Variants in APOLD1 observed in about 807,000 individuals in gnomAD.
The protein encoded by APOLD1 is apolipoprotein L domain-containing protein 1.
Under a neutral mutation model 15.3 loss-of-function variants are expected in APOLD1, and 22 were observed. The observed-to-expected ratio is 1.44, with a 90% confidence interval of 1.03 to 2.05. The LOEUF is 2.05. Ranked by LOEUF, APOLD1 falls within the 30% of genes most tolerant of loss-of-function variation. The probability of loss-of-function intolerance (pLI) is 0.00; values close to 1 mark genes in which losing one functional copy is unlikely to be tolerated. For missense variants in APOLD1, 394 were observed against 353.5 expected (o/e 1.11, Z -0.92); for synonymous variants, 190 against 167.4 (o/e 1.13, Z -1.04).
chr12:12,769,695 T>G (rs1268713656), intron 1 of APOLD1, among the ~76,000 whole-genome samples: 3 of 152,240 alleles, frequency 2.0e-5, no homozygotes, highest in African/African-American at 7.2e-5. Context: ...GAGCCTAACC[T>G]GCTGGGGTTT....
At chr12:12,730,024 CTTTGTGTGTGTGTGTG>C (rs1946624160) in intron 1 of APOLD1, among the ~76,000 whole-genome samples, 1 of 101,736 alleles carries the variant, frequency 9.8e-6, no homozygotes, top group Non-Finnish European at 2.0e-5. Flanking sequence ...GCCCAGCTAA[CTTTGTGTGTGTGTGTG>C]TGTGTGTGTG....
intron 1 of APOLD1, among the ~76,000 whole-genome samples, chr12:12,750,596 T>A (rs1946805328): frequency 6.6e-6 from 1 of 152,068 alleles, no homozygotes. Context: ...ATATTTTTTC[T>A]CAATATTATT....
intron 1 of APOLD1, among the ~76,000 whole-genome samples, chr12:12,767,466 A>G (rs529056016): frequency 6.6e-6 from 1 of 152,302 alleles, no homozygotes; most frequent in Admixed American, 6.5e-5. Flanking sequence ...GGTTGAAAGT[A>G]GCCTGGCCAA....
At chr12:12,785,535 C>A, upstream of APOLD1, 1 of 1,295,292 alleles carries the variant, frequency 7.7e-7, no homozygotes, top group Non-Finnish European at 1.1e-6. Flanking sequence ...ATGTCACGTC[C>A]TTCTAGATGA....
In APOLD1 at chr12:12,766,764, G is replaced by A. The variant is rs58113060; in HGVS notation, c.97-20145G>A. Among the ~76,000 whole-genome samples the A allele has an allele frequency of 4.2e-4, 64 of 152,202 alleles. No homozygotes were observed. In the East Asian group the frequency reaches 0.011, roughly 25 times the overall value. On this transcript the variant is annotated intron_variant, in intron 1 of 1. Transcript: ENST00000326765. ...CTCAGGAGGCTGAGGCAGGAGAATC[G>A]CTTGAACCCGGGAGGTGGAGGTTGC...
rs140169181 is a variant in APOLD1 at position 12,756,614 on chromosome 12, TAG to T, written c.97-30293_97-30292del. On this transcript the variant is annotated intron_variant, in intron 1 of 1. Coordinates refer to the APOLD1 transcript ENST00000326765. ...TGCAACCATCACCACTATCCATTTC[TAG>T]AACTTTTAAAAAATCCCAAACAGAA... Among the ~76,000 whole-genome samples the T allele has an allele frequency of 6.0e-3, 910 of 152,326 alleles. 5 individuals carry two copies. The highest frequency in any genetic ancestry group is 0.02 in the African/African-American group (850 of 41,580).
intron 1 of APOLD1, among the ~76,000 whole-genome samples, chr12:12,769,861 G>A (rs7311962): frequency 0.064 from 9,761 of 151,990 alleles, 336 homozygotes; most frequent in South Asian, 0.12. Context: ...CCTAATTATC[G>A]GACTGTAGAA....
chr12:12,745,680 C>T (rs981834125), intron 1 of APOLD1, among the ~76,000 whole-genome samples: 5 of 151,928 alleles, frequency 3.3e-5, no homozygotes, highest in East Asian at 1.9e-4. Context: ...ATCCAGTACA[C>T]GTTGAATTTG....
chr12:12,770,206 A>G (rs1039615529), intron 1 of APOLD1, among the ~76,000 whole-genome samples: 4 of 152,176 alleles, frequency 2.6e-5, no homozygotes, highest in African/African-American at 9.7e-5. Context: ...TCAGTTCAAG[A>G]CCAGCCTGAC....
chr12:12,771,780 A>C (rs908794768), intron 1 of APOLD1: 1 of 222,396 alleles, frequency 4.5e-6, no homozygotes, highest in Non-Finnish European at 9.1e-6. Context: ...ATATATAGCT[A>C]TGTATATTTA....
At chr12:12,736,449 C>T (rs1946687164) in intron 1 of APOLD1, among the ~76,000 whole-genome samples, 1 of 152,058 alleles carries the variant, frequency 6.6e-6, no homozygotes. Context: ...ATCACCTGAG[C>T]CTGGGAGGTC....
Position 12,789,053 on chromosome 12 carries a change from AT to A in APOLD1, c.*1403del, listed in dbSNP as rs1370569799. On this transcript the variant is annotated 3_prime_UTR_variant, in exon 2 of 2. Coordinates refer to ENST00000356591, the MANE Select transcript of APOLD1 (RefSeq NM_030817.3). ...AAGTTCCTGAAACTGACCTTTGTCTATTATTACCTTCTCTGAAAAGTGCCAG... is the reference window on the plus strand; with the variant it reads ...AAGTTCCTGAAACTGACCTTTGTCTATATTACCTTCTCTGAAAAGTGCCAG... The A allele has an allele frequency of 6.6e-6, 1 of 152,232 alleles. No individual in the cohort carries two copies. Among genetic ancestry groups the A allele is most frequent in the African/African-American group, 2.4e-5 (1 of 41,462 alleles). The allele number at this position is 152,232 out of a possible 1,614,324, so 9.4% of individuals were successfully genotyped here. A position where few individuals can be genotyped will look rare whatever the true frequency, so the allele number is the denominator to read the frequency against.
intron 1 of APOLD1, among the ~76,000 whole-genome samples, chr12:12,768,736 C>T (rs1423544239): frequency 6.6e-6 from 1 of 151,278 alleles, no homozygotes; most frequent in Non-Finnish European, 1.5e-5. Flanking sequence ...AGACTTAGGA[C>T]TCAAACTCCT....
upstream of APOLD1, among the ~76,000 whole-genome samples, chr12:12,784,914 A>T (rs527683475): frequency 2.0e-5 from 3 of 152,270 alleles, no homozygotes; most frequent in African/African-American, 7.2e-5. Context: ...TCCCTATCAC[A>T]TGGGCTACAA....
At position 12,757,937 on chromosome 12, in the gene APOLD1, C is replaced by CTT. The variant is rs144139766; in HGVS notation, c.97-28952_97-28951dup. The stretch of plus-strand genomic sequence containing the variant: ...GCAACTAAAGCAACTAATTCAATAT[C>CTT]TTTTTTTTTTTTTTTTTTTTTGAGA... On this transcript the variant is annotated intron_variant, in intron 1 of 1. Transcript: ENST00000326765. 8.4e-3 allele frequency among the ~76,000 whole-genome samples: 1,018 copies of CTT among 121,376 alleles called. 29 individuals carry two copies. Among genetic ancestry groups the CTT allele is most frequent in the African/African-American group, 0.028 (875 of 31,740 alleles). The allele number at this position is 121,376 out of a possible 152,430, so 79.6% of individuals were successfully genotyped here.
At chr12:12,770,383 T>C (rs1460583698) in intron 1 of APOLD1, among the ~76,000 whole-genome samples, 2 of 152,092 alleles carry the variant, frequency 1.3e-5, no homozygotes, top group African/African-American at 4.8e-5. Context: ...ACAGCCTGGG[T>C]GACAGAGCGA....
At chr12:12,728,690 A>AAAAAAAG (rs779176543) in intron 1 of APOLD1, among the ~76,000 whole-genome samples, 54 of 139,388 alleles carry the variant, frequency 3.9e-4, no homozygotes, top group African/African-American at 4.6e-4. Context: ...AAAAAAAAAA[A>AAAAAAAG]AGAGAGAGAA....
intron 1 of APOLD1, among the ~76,000 whole-genome samples, chr12:12,779,757 C>T (rs567091854): frequency 3.3e-5 from 5 of 152,154 alleles, no homozygotes; most frequent in Non-Finnish European, 7.3e-5. Context: ...GAGGTGAGGA[C>T]TATGTCAACA....
At chr12:12,739,316 C>T (rs1011962422) in intron 1 of APOLD1, among the ~76,000 whole-genome samples, 1 of 152,078 alleles carries the variant, frequency 6.6e-6, no homozygotes, top group East Asian at 1.9e-4. Context: ...CCAGGGAGAT[C>T]GAGAAGATGA....
Sources: gnomAD v4.1 joint callset for allele counts (sites outside exome capture counted in the v4.1 genomes callset) on GRCh38, gnomAD v4.1.1 for gene constraint, MANE v1.5 for transcripts, NCBI Gene and HGNC (gene_info 2026-07-23, HGNC 2026-07-21) for gene names.